Variants in AP1S2 observed in about 807,000 individuals in gnomAD.
The protein encoded by AP1S2 is AP-1 complex subunit sigma-2.
Under a neutral mutation model 14.3 loss-of-function variants are expected in AP1S2, and 1 was observed. The ratio of observed to expected loss-of-function variants is 0.07; its 90% CI spans 0.02 to 0.33. AP1S2 has a LOEUF of 0.33. Among genes scored for constraint, AP1S2 ranks in the 10% least tolerant of loss-of-function variants. The probability of loss-of-function intolerance (pLI) is 0.99; values close to 1 mark genes in which losing one functional copy is unlikely to be tolerated. For missense variants in AP1S2, 30 were observed against 117.7 expected (o/e 0.25, Z 3.45); for synonymous variants, 30 against 40.5 (o/e 0.74, Z 0.99).
rs769397153 is a variant in AP1S2, at chrX:15,854,722, CCGGCGG to C, written c.-41_-36del. The C allele has an allele frequency of 5.0e-6, 4 of 793,664 alleles. No individual in the cohort carries two copies. The highest frequency in any genetic ancestry group is 6.0e-6 in the Non-Finnish European group (4 of 665,682). 65.4% of individuals were successfully genotyped at this position (793,664 alleles called of 1,213,427 possible). A position where few individuals can be genotyped will look rare whatever the true frequency, so the allele number is the denominator to read the frequency against. Reference sequence around the variant, plus strand: ...GGGCCGCGGGCGCGGCGGAGCTTGGCCGGCGGCGGCGGCGGCGGCGAAGGGGAAGCC... The same window carrying C: ...GGGCCGCGGGCGCGGCGGAGCTTGGCCGGCGGCGGCGGCGAAGGGGAAGCC... On this transcript the variant is annotated 5_prime_UTR_variant, in exon 1 of 6. Transcript: ENST00000672987.
intron 2 of AP1S2, among the ~76,000 whole-genome samples, chrX:15,848,788 T>G (rs1221319408): frequency 8.9e-6 from 1 of 112,061 alleles, no homozygotes; most frequent in African/African-American, 3.2e-5. Flanking sequence ...GTGCCTATTC[T>G]TATATTCAAA....
At chrX:15,835,825 G>A (rs1410670961) in intron 4 of AP1S2, among the ~76,000 whole-genome samples, 1 of 110,833 alleles carries the variant, frequency 9.0e-6, no homozygotes, top group Non-Finnish European at 1.9e-5. Flanking sequence ...ATACATGCTT[G>A]TTTTTACACT....
At position 15,826,432 on chromosome X, in the gene AP1S2, T is replaced by C; in HGVS notation, c.*893A>G. On this transcript the variant is annotated 3_prime_UTR_variant, in exon 6 of 6. Transcript: ENST00000672987. ...TAAGTGGAGGGAAGCAAAATAAATT[T>C]AGCTTTAACAAGTACCCCAGAGGGA... is the stretch of plus-strand genomic sequence containing the variant. 1 of 112,203 alleles carries C rather than the reference T, an allele frequency of 8.9e-6. No individual in the cohort carries two copies. Among genetic ancestry groups the C allele is most frequent in the Admixed American group, 9.4e-5 (1 of 10,591 alleles). The allele number at this position is 112,203 out of a possible 1,213,427, so 9.2% of individuals were successfully genotyped here. A position where few individuals can be genotyped will look rare whatever the true frequency, so the allele number is the denominator to read the frequency against.
chrX:15,852,260 T>TATAAATAACGATTA, intron 2 of AP1S2, 86 bp downstream of exon 2: 2 of 870,718 alleles, frequency 2.3e-6, no homozygotes, highest in Non-Finnish European at 3.3e-6. Flanking sequence ...AATCGTTATT[T>TATAAATAACGATTA]ATAAATGTCA....
At chrX:15,847,622 C>G (rs1255750467) in intron 2 of AP1S2, among the ~76,000 whole-genome samples, 1 of 112,114 alleles carries the variant, frequency 8.9e-6, no homozygotes, top group Non-Finnish European at 1.9e-5. Flanking sequence ...CCAACTTTAA[C>G]AAAGTGCTCC....
chrX:15,848,817 G>GTCAGCTAAATA (rs1299156283), intron 2 of AP1S2, among the ~76,000 whole-genome samples: 1 of 112,207 alleles, frequency 8.9e-6, no homozygotes, highest in Admixed American at 9.4e-5. Context: ...CTTCTCCGCA[G>GTCAGCTAAATA]TCAGCTAAAT....
At chrX:15,854,397 C>T (rs1177874620) in intron 1 of AP1S2, among the ~76,000 whole-genome samples, 1 of 112,714 alleles carries the variant, frequency 8.9e-6, no homozygotes, top group African/African-American at 3.2e-5. Context: ...GCCACCGCCC[C>T]CGGCCCCTCC....
intron 2 of AP1S2, among the ~76,000 whole-genome samples, chrX:15,852,092 T>C (rs1331616336): frequency 6.2e-5 from 7 of 112,657 alleles, no homozygotes; most frequent in Middle Eastern, 4.6e-3. Context: ...ATAAAGATGA[T>C]TAAGCATGAA....
intron 4 of AP1S2, chrX:15,831,951 A>G: frequency 1.3e-6 from 1 of 744,155 alleles, no homozygotes. Context: ...GTTCATTTGT[A>G]TTACATAAAC....
At chrX:15,853,848 T>C (rs1410878943) in intron 1 of AP1S2, among the ~76,000 whole-genome samples, 1 of 111,342 alleles carries the variant, frequency 9.0e-6, no homozygotes, top group Non-Finnish European at 1.9e-5. Context: ...GTCCTGAAGA[T>C]AGCGGCATTC....
chrX:15,834,729 C>T (rs1039535167), intron 4 of AP1S2, among the ~76,000 whole-genome samples: 3 of 102,895 alleles, frequency 2.9e-5, no homozygotes, highest in Non-Finnish European at 5.9e-5. Flanking sequence ...TCATGATCCA[C>T]CCGCCTCAGC....
Position 15,848,600 on chromosome X carries a change from C to A in AP1S2, c.180-2589G>T, listed in dbSNP as rs763565186. On this transcript the variant is annotated intron_variant, in intron 2 of 5. Coordinates refer to ENST00000672987, the MANE Select transcript of AP1S2 (RefSeq NM_001272071.2). ...TGAAGTGTACTTCCTATATTTAGGA[C>A]CAAATGGTTTTAAAAAAATCAATAA... is the stretch of plus-strand genomic sequence containing the variant. 1.3e-4 allele frequency among the ~76,000 whole-genome samples: 14 copies of A among 111,937 alleles called. 1 individual carries two copies. In the South Asian group the frequency reaches 5.2e-3, roughly 41 times the overall value.
intron 2 of AP1S2, among the ~76,000 whole-genome samples, chrX:15,846,497 G>A (rs949155273): frequency 3.6e-5 from 4 of 111,038 alleles, no homozygotes; most frequent in East Asian, 2.8e-4. Flanking sequence ...AGTCCTACAA[G>A]CTCAATAAAT....
chrX:15,844,854 A>C, intron 4 of AP1S2: 1 of 343,741 alleles, frequency 2.9e-6, no homozygotes, highest in Non-Finnish European at 3.8e-6. Flanking sequence ...TTGCTAACAA[A>C]AAAAACCTGG....
At chrX:15,841,574 AC>A (rs1387945548) in intron 4 of AP1S2, among the ~76,000 whole-genome samples, 1 of 112,181 alleles carries the variant, frequency 8.9e-6, no homozygotes, top group Non-Finnish European at 1.9e-5. Flanking sequence ...AAACTATAAG[AC>A]CAAAAAAGTT....
chrX:15,845,345 T>C (rs758681457), intron 4 of AP1S2, 34 bp downstream of exon 4: 43 of 1,208,400 alleles, frequency 3.6e-5, no homozygotes, highest in Non-Finnish European at 4.4e-5. Context: ...GAGCAAAACA[T>C]GCTAGTGCCT....
chrX:15,827,692 T>C (rs1170358643), intron 5 of AP1S2, among the ~76,000 whole-genome samples: 1 of 111,965 alleles, frequency 8.9e-6, no homozygotes, highest in African/African-American at 3.2e-5. Flanking sequence ...CTCAATTATA[T>C]ATATGAAAGA....
intron 4 of AP1S2, among the ~76,000 whole-genome samples, chrX:15,841,940 G>A (rs1569084192): frequency 1.8e-5 from 2 of 111,867 alleles, no homozygotes; most frequent in Admixed American, 1.9e-4. Flanking sequence ...TTAGAATCCT[G>A]GTTTTGCCAG....
At chrX:15,843,247 C>G (rs1317241939) in intron 4 of AP1S2, among the ~76,000 whole-genome samples, 1 of 111,675 alleles carries the variant, frequency 9.0e-6, no homozygotes, top group Non-Finnish European at 1.9e-5. Context: ...ATAGCAATTT[C>G]CCAGTAGCAT....
Sources: allele counts gnomAD v4.1 joint callset (sites outside exome capture counted in the v4.1 genomes callset), GRCh38; gene constraint gnomAD v4.1.1; transcripts MANE v1.5; gene names NCBI Gene and HGNC (gene_info 2026-07-23, HGNC 2026-07-21).